The following KLB variants were observed in gnomAD, a reference collection of about 807,000 sequenced individuals.
The protein encoded by KLB is klotho beta.
KLB carries 44 observed loss-of-function variants against 88.4 expected under a neutral mutation model. The ratio of observed to expected loss-of-function variants is 0.50; its 90% CI spans 0.39 to 0.64. The LOEUF (loss-of-function observed/expected upper bound fraction) is 0.64, where lower values mean the gene tolerates loss of function less well. KLB is among the 30% of genes least tolerant of loss of function. KLB has a pLI of 0.00. For missense variants in KLB, 1,137 were observed against 1,304.8 expected (o/e 0.87, Z 1.98); for synonymous variants, 548 against 513.4 (o/e 1.07, Z -0.91).
At chr4:39,441,194 C>G (rs2687961) in intron 3 of KLB, among the ~76,000 whole-genome samples, 149,670 of 152,264 alleles carry the variant, frequency 0.98, 73,611 homozygotes, top group East Asian at 1. Context: ...CAAGAGCTCA[C>G]GGTGATTAAA....
intron 1 of KLB, among the ~76,000 whole-genome samples, chr4:39,410,573 A>G (rs1742816526): frequency 6.6e-6 from 1 of 152,212 alleles, no homozygotes; most frequent in African/African-American, 2.4e-5. Context: ...CCTGAGGTGA[A>G]CTTGTTTTTC....
Position 39,450,859 on chromosome 4 carries a change from G to A in KLB, c.*2173G>A, listed in dbSNP as rs1328328608. Reference sequence around the variant, plus strand: ...AACCTCTCTTTAACATCAAGGGCTTGGGAAAAAAAAAAAAAAGGTTAGCCA... The same window carrying A: ...AACCTCTCTTTAACATCAAGGGCTTAGGAAAAAAAAAAAAAAGGTTAGCCA... On this transcript the variant is annotated 3_prime_UTR_variant, in exon 5 of 5. Coordinates refer to ENST00000257408, the MANE Select transcript of KLB (RefSeq NM_175737.4). 2 of 84,556 alleles carry A rather than the reference G, an allele frequency of 2.4e-5. No homozygotes were observed. Among genetic ancestry groups the A allele is most frequent in the Non-Finnish European group, 5.4e-5 (2 of 36,698 alleles). 5.2% of individuals were successfully genotyped at this position (84,556 alleles called of 1,614,324 possible). A position where few individuals can be genotyped will look rare whatever the true frequency, so the allele number is the denominator to read the frequency against.
At chr4:39,408,575 A>G in intron 1 of KLB, among the ~76,000 whole-genome samples, 1 of 152,152 alleles carries the variant, frequency 6.6e-6, no homozygotes, top group East Asian at 1.9e-4. Flanking sequence ...AACTAGTTTT[A>G]TTATTCTTCC....
chr4:39,447,005 C>T lies in KLB; in HGVS notation c.2279C>T (p.Ala760Val). The change falls in exon 4 of 5, where the codon GCG (alanine) becomes GTG (valine). Residue 760 changes from alanine (A) to valine (V), a missense_variant. By Grantham distance (64) the Ala-to-Val change is moderately conservative (BLOSUM62 0). This residue lies in a region of KLB where 426 missense variants were observed against 404.6 expected (regional missense o/e 1.05). Transcript: ENST00000257408. Reference protein sequence around the residue: ...ANPYADSHWRAAERFLQFEIA... With the variant: ...ANPYADSHWRVAERFLQFEIA... ...CCCTATGCTGACTCGCACTGGAGGGCGGCCGAGCGCTTCCTGCAGTTCGAG... is the reference window on the plus strand; with the variant it reads ...CCCTATGCTGACTCGCACTGGAGGGTGGCCGAGCGCTTCCTGCAGTTCGAG... The T allele has an allele frequency of 6.2e-7, 1 of 1,610,172 alleles. No individual in the cohort carries two copies. Among genetic ancestry groups the T allele is most frequent in the Non-Finnish European group, 8.5e-7 (1 of 1,179,946 alleles).
chr4:39,436,867 C>T (rs1743482948), intron 2 of KLB, among the ~76,000 whole-genome samples: 1 of 151,864 alleles, frequency 6.6e-6, no homozygotes, highest in Non-Finnish European at 1.5e-5. Context: ...CCGCCACCAT[C>T]CCCAGCTAAT....
chr4:39,409,659 G>T (rs1419077956), intron 1 of KLB, among the ~76,000 whole-genome samples: 7 of 151,594 alleles, frequency 4.6e-5, no homozygotes, highest in Middle Eastern at 3.2e-3. Context: ...CGGGCACAGT[G>T]CCTCATGCCT....
intron 3 of KLB, among the ~76,000 whole-genome samples, chr4:39,444,157 CAAAT>C (rs1344638187): frequency 6.6e-6 from 1 of 152,162 alleles, no homozygotes; most frequent in Non-Finnish European, 1.5e-5. Flanking sequence ...AACTCCGTCT[CAAAT>C]AAACAAACAA....
At chr4:39,429,810 A>ACT (rs1351483387) in intron 1 of KLB, among the ~76,000 whole-genome samples, 4 of 152,160 alleles carry the variant, frequency 2.6e-5, no homozygotes, top group Non-Finnish European at 5.9e-5. Context: ...TTGGAGCAAA[A>ACT]TTTTTTACCT....
rs746239091 is a variant in KLB, at chr4:39,446,174, C to A, written c.1606-158C>A. On this transcript the variant is annotated intron_variant, in intron 3 of 4. Transcript: ENST00000257408. The surrounding 1 kb of genome is among the most constrained non-coding windows in gnomAD (Gnocchi z 6.4). ...CCAAGCCAGGACCTGGGTGTGGCTCCTTCTCTGTTTTCTGGTCTCCTTGGG... is the reference window on the plus strand; with the variant it reads ...CCAAGCCAGGACCTGGGTGTGGCTCATTCTCTGTTTTCTGGTCTCCTTGGG... Among the ~76,000 whole-genome samples, 3 of 152,150 alleles carry A rather than the reference C, an allele frequency of 2.0e-5. No homozygotes were observed. The highest frequency in any genetic ancestry group is 4.4e-5 in the Non-Finnish European group (3 of 68,036).
intron 1 of KLB, among the ~76,000 whole-genome samples, chr4:39,413,913 C>T (rs1377656786): frequency 1.3e-5 from 2 of 152,092 alleles, no homozygotes; most frequent in African/African-American, 2.4e-5. Context: ...CAAACCTGGT[C>T]ACTATTGACA....
chr4:39,433,462 C>T (rs574259163), intron 1 of KLB, among the ~76,000 whole-genome samples: 1 of 152,258 alleles, frequency 6.6e-6, no homozygotes, highest in South Asian at 2.1e-4. Flanking sequence ...TCACAACATC[C>T]CTAGGAGGTG....
intron 1 of KLB, among the ~76,000 whole-genome samples, chr4:39,429,988 G>C (rs1743308876): frequency 6.6e-6 from 1 of 152,178 alleles, no homozygotes; most frequent in Admixed American, 6.5e-5. Context: ...AGACACTGTG[G>C]AACGTGAAGG....
At position 39,449,936 on chromosome 4, in the gene KLB, AAAT is replaced by A. The variant is rs1203908210; in HGVS notation, c.*1256_*1258del. On this transcript the variant is annotated 3_prime_UTR_variant, in exon 5 of 5. Transcript: ENST00000257408. ...CAAGACTGTCTCTCAAAATAAAAAA[AAAT>A]AATAAAAATAAAAATAAAAGTAATT... 1 of 142,130 alleles carries A rather than the reference AAAT, an allele frequency of 7.0e-6. No individual in the cohort carries two copies. The highest frequency in any genetic ancestry group is 2.8e-5 in the African/African-American group (1 of 35,470). 8.8% of individuals were successfully genotyped at this position (142,130 alleles called of 1,614,324 possible).
chr4:39,440,056 G>A (rs894438367), intron 3 of KLB, among the ~76,000 whole-genome samples: 9 of 151,444 alleles, frequency 5.9e-5, no homozygotes, highest in African/African-American at 1.7e-4. Flanking sequence ...GACCCGCCTC[G>A]GCCTCCCAAA....
rs771570955 is a variant in KLB, at chr4:39,434,232, A to T, written c.848A>T (p.Asn283Ile). The change falls in exon 2 of 5, where the codon AAC becomes ATC. Residue 283 changes from asparagine to isoleucine, a missense_variant. Coordinates refer to ENST00000257408, the MANE Select transcript of KLB (RefSeq NM_175737.4). ...TAGGCTCACTCGAAAGTTTGGCATA[A>T]CTACAACACACATTTCCGCCCACAT... ...LIKAHSKVWH[N>I]YNTHFRPHQK... The T allele has an allele frequency of 6.2e-7, 1 of 1,607,258 alleles. No homozygotes were observed. Among genetic ancestry groups the T allele is most frequent in the Non-Finnish European group, 8.5e-7 (1 of 1,176,328 alleles).
chr4:39,443,007 C>A (rs1411808059), intron 3 of KLB, among the ~76,000 whole-genome samples: 2 of 152,122 alleles, frequency 1.3e-5, no homozygotes, highest in African/African-American at 4.8e-5. Flanking sequence ...TAATTCAGGA[C>A]AATCACCTCA....
At position 39,437,829 on chromosome 4, in the gene KLB, A is replaced by G; in HGVS notation, c.1439A>G (p.Tyr480Cys). ...TACACCATCCGCCGAGGATTATTTT[A>G]TGTGGATTTTAACAGTAAACAGAAA... ...DAYTIRRGLF[Y>C]VDFNSKQKER... Residue 480 changes from tyrosine to cysteine, a missense_variant, in exon 3 of 5, where the codon TAT becomes TGT. Physicochemically the swap from Tyr to Cys is radical, Grantham distance 194. Coordinates refer to ENST00000257408, the MANE Select transcript of KLB (RefSeq NM_175737.4). 6.2e-7 allele frequency: 1 copy of G among 1,614,132 alleles called. No individual in the cohort carries two copies. The highest frequency in any genetic ancestry group is 8.5e-7 in the Non-Finnish European group (1 of 1,180,024).
At chr4:39,417,911 A>T (rs1742997958) in intron 1 of KLB, among the ~76,000 whole-genome samples, 1 of 152,224 alleles carries the variant, frequency 6.6e-6, no homozygotes, top group African/African-American at 2.4e-5. Flanking sequence ...CCAAAATTAA[A>T]GTCTGATCTG....
chr4:39,407,816 T>A, intron 1 of KLB, 42 bp downstream of exon 1: 1 of 1,094,510 alleles, frequency 9.1e-7, no homozygotes, highest in Non-Finnish European at 1.3e-6. Flanking sequence ...CAGAAAACAC[T>A]AAGAATTTAA....
Sources: allele counts gnomAD v4.1 joint callset (sites outside exome capture counted in the v4.1 genomes callset), GRCh38; gene constraint gnomAD v4.1.1; regional missense constraint gnomAD v4.1.1; non-coding constraint Gnocchi (gnomAD v3.1); transcripts MANE v1.5; gene names NCBI Gene and HGNC (gene_info 2026-07-23, HGNC 2026-07-21).